The following ADARB1 variants were observed in gnomAD, a reference collection of about 807,000 sequenced individuals.
ADARB1 encodes the protein double-stranded RNA-specific editase 1.
A neutral mutation model predicts 52.4 loss-of-function variants in ADARB1; 10 were observed. The observed-to-expected ratio is 0.19, with a 90% CI of 0.12 to 0.32. ADARB1 has a LOEUF of 0.32. Among genes scored for constraint, ADARB1 ranks in the 10% least tolerant of loss-of-function variants. The pLI, the probability that ADARB1 is intolerant of heterozygous loss-of-function variation, is 1.00. For missense variants in ADARB1, 643 were observed against 922.3 expected (o/e 0.70, Z 3.92); for synonymous variants, 349 against 371.1 (o/e 0.94, Z 0.68).
chr21:45,203,373 G>T (rs943462955), intron 8 of ADARB1, among the ~76,000 whole-genome samples: 2 of 152,014 alleles, frequency 1.3e-5, no homozygotes, highest in South Asian at 4.1e-4. Context: ...ACAGAACCCC[G>T]CCCTTTCTCC....
At chr21:45,159,258 A>G (rs1315185069) in intron 2 of ADARB1, among the ~76,000 whole-genome samples, 1 of 152,184 alleles carries the variant, frequency 6.6e-6, no homozygotes, top group Non-Finnish European at 1.5e-5. Context: ...AATGAGAACC[A>G]AGCGAAAGGG....
chr21:45,171,097 A>T (rs550534986), intron 2 of ADARB1, among the ~76,000 whole-genome samples: 2 of 152,348 alleles, frequency 1.3e-5, no homozygotes, highest in African/African-American at 4.8e-5. Context: ...TACCCAGAGT[A>T]AAGATAGATG....
intron 1 of ADARB1, among the ~76,000 whole-genome samples, chr21:45,104,135 G>T (rs932255117): frequency 6.6e-6 from 1 of 152,154 alleles, no homozygotes; most frequent in Non-Finnish European, 1.5e-5. Context: ...TCCCTTCAGC[G>T]GGGTAGGCCT....
intron 2 of ADARB1, among the ~76,000 whole-genome samples, chr21:45,150,221 C>T (rs561708321): frequency 6.6e-6 from 1 of 152,340 alleles, no homozygotes; most frequent in Non-Finnish European, 1.5e-5. Context: ...TTGCAGTGAG[C>T]TGAGATCCTG....
rs547760348 is a variant in ADARB1 at position 45,101,285 on chromosome 21, G to A, written c.-220+26492G>A. Among the ~76,000 whole-genome samples, 5 of 152,276 alleles carry A rather than the reference G, an allele frequency of 3.3e-5. No individual in the cohort carries two copies. In the East Asian group the frequency reaches 7.7e-4, roughly 24 times the overall value. On this transcript the variant is annotated intron_variant, in intron 1 of 10. Transcript: ENST00000348831. ...CGCTCACGTGCTCGCTGTGCCCTGC[G>A]CGCGGGCGGGCCGTGTCCCCGCAGC...
chr21:45,206,560 CTTTTTTTTT>C (rs71199660), intron 9 of ADARB1, among the ~76,000 whole-genome samples: 6 of 54,960 alleles, frequency 1.1e-4, no homozygotes, highest in South Asian at 1.9e-3. Flanking sequence ...CTTCTCTGGT[CTTTTTTTTT>C]TTTTTTTTTT....
At chr21:45,144,488 A>G (rs2089909267) in intron 2 of ADARB1, 2 of 255,374 alleles carry the variant, frequency 7.8e-6, no homozygotes, top group Non-Finnish European at 1.6e-5. Context: ...GCTTTAAGGT[A>G]TCTTATTAAA....
chr21:45,076,695 C>T (rs879493840), intron 1 of ADARB1, among the ~76,000 whole-genome samples: 4 of 152,218 alleles, frequency 2.6e-5, no homozygotes, highest in Non-Finnish European at 5.9e-5. Flanking sequence ...GCTAATTTCA[C>T]TTCCTCGTGA....
At chr21:45,205,150 A>C (rs1459779191) in intron 9 of ADARB1, among the ~76,000 whole-genome samples, 1 of 152,118 alleles carries the variant, frequency 6.6e-6, no homozygotes, top group Non-Finnish European at 1.5e-5. Context: ...GGTCCCAGCT[A>C]CTTGGGAGGC....
chr21:45,119,998 C>T (rs2088068106), intron 1 of ADARB1, among the ~76,000 whole-genome samples: 1 of 152,388 alleles, frequency 6.6e-6, no homozygotes, highest in East Asian at 1.9e-4. Context: ...CCAAGCTTTG[C>T]AGCTCTGCAC....
At chr21:45,206,198 T>C (rs1320241356) in intron 9 of ADARB1, among the ~76,000 whole-genome samples, 1 of 152,242 alleles carries the variant, frequency 6.6e-6, no homozygotes, top group East Asian at 1.9e-4. Context: ...AAGAGTGCTT[T>C]AATTTTAGCT....
intron 1 of ADARB1, among the ~76,000 whole-genome samples, chr21:45,078,739 A>G (rs1004710716): frequency 6.6e-6 from 1 of 152,180 alleles, no homozygotes; most frequent in Admixed American, 6.5e-5. Context: ...TTTGATGGGA[A>G]GCCTTAAGGG....
chr21:45,134,349 G>A (rs375353218), intron 2 of ADARB1, among the ~76,000 whole-genome samples: 113 of 138,280 alleles, frequency 8.2e-4, no homozygotes, highest in East Asian at 1.3e-3. Context: ...TGGTGTGTGC[G>A]CCCGACGGGG....
In ADARB1 at chr21:45,225,236, A is replaced by G; in HGVS notation, c.*3039A>G. 9.0e-7 allele frequency: 1 copy of G among 1,111,950 alleles called. No individual in the cohort carries two copies. The highest frequency in any genetic ancestry group is 1.1e-6 in the Non-Finnish European group (1 of 912,138). 68.9% of individuals were successfully genotyped at this position (1,111,950 alleles called of 1,614,324 possible). On this transcript the variant is annotated 3_prime_UTR_variant, in exon 11 of 11. Coordinates refer to ENST00000348831, the MANE Select transcript of ADARB1 (RefSeq NM_001112.4). The stretch of plus-strand genomic sequence containing the variant: ...TGTGCCATGAGGCAGCGACAGGTCC[A>G]GATGGATGTCGTCACCACCTTCCTC...
At chr21:45,091,746 G>A (rs1215668373) in intron 1 of ADARB1, among the ~76,000 whole-genome samples, 2 of 152,154 alleles carry the variant, frequency 1.3e-5, no homozygotes, top group African/African-American at 4.8e-5. Flanking sequence ...TTGTTCTCCT[G>A]TGGACCACAG....
intron 9 of ADARB1, among the ~76,000 whole-genome samples, chr21:45,213,649 T>C (rs2092810861): frequency 6.6e-6 from 1 of 152,190 alleles, no homozygotes; most frequent in Admixed American, 6.5e-5. Flanking sequence ...CATCATAAGG[T>C]TTGCACCGTT....
chr21:45,139,581 C>T (rs1443893681), intron 2 of ADARB1, among the ~76,000 whole-genome samples: 2 of 152,214 alleles, frequency 1.3e-5, no homozygotes, highest in African/African-American at 4.8e-5. Flanking sequence ...CTCCCATGCT[C>T]AGCTTCCTCC....
intron 1 of ADARB1, among the ~76,000 whole-genome samples, chr21:45,082,049 C>G (rs2086173129): frequency 6.6e-6 from 1 of 150,632 alleles, no homozygotes; most frequent in East Asian, 1.9e-4. Context: ...GGCAATAGAT[C>G]AGGTCTTGGA....
At chr21:45,198,458 T>G (rs528751936) in intron 8 of ADARB1, among the ~76,000 whole-genome samples, 44 of 125,156 alleles carry the variant, frequency 3.5e-4, no homozygotes, top group African/African-American at 1.2e-3. Flanking sequence ...CTTAAGCATA[T>G]GCAGAAAATT....
Sources: allele counts gnomAD v4.1 joint callset (sites outside exome capture counted in the v4.1 genomes callset), GRCh38; gene constraint gnomAD v4.1.1; transcripts MANE v1.5; gene names NCBI Gene and HGNC (gene_info 2026-07-23, HGNC 2026-07-21).